OTOA: variants seen among roughly 807,000 people sequenced by gnomAD.
OTOA encodes the protein otoancorin.
OTOA carries 70 observed loss-of-function variants against 110.8 expected under a neutral mutation model. That is an observed-to-expected ratio of 0.63 (90% CI 0.52 to 0.77). The LOEUF (loss-of-function observed/expected upper bound fraction) is 0.77, where lower values mean the gene tolerates loss of function less well. OTOA is among the 30% of genes least tolerant of loss of function. The pLI, the probability that OTOA is intolerant of heterozygous loss-of-function variation, is 0.00. For synonymous variants in OTOA, 373 were observed against 431.5 expected (o/e 0.86, Z 1.68); for missense variants, 917 against 1,075.8 (o/e 0.85, Z 2.06).
chr16:21,706,793 G>C (rs922045005), intron 12 of OTOA, among the ~76,000 whole-genome samples: 3 of 150,338 alleles, frequency 2.0e-5, no homozygotes, highest in Non-Finnish European at 4.4e-5. Flanking sequence ...TGACATTTGA[G>C]AGTGTGGTCA....
chr16:21,753,358 C>T (rs1337739643), intron 27 of OTOA, among the ~76,000 whole-genome samples: 1 of 88,620 alleles, frequency 1.1e-5, no homozygotes, highest in Non-Finnish European at 2.4e-5. Context: ...GCAGGTGGTA[C>T]TGATTTTCTA....
intron 1 of OTOA, among the ~76,000 whole-genome samples, chr16:21,668,036 A>G (rs1057122910): frequency 6.6e-6 from 1 of 152,278 alleles, no homozygotes; most frequent in African/African-American, 2.4e-5. Context: ...TATCAAACTT[A>G]AAACTATTAA....
intron 8 of OTOA, among the ~76,000 whole-genome samples, chr16:21,690,388 C>T (rs1002702179): frequency 1.3e-5 from 2 of 151,764 alleles, no homozygotes; most frequent in Non-Finnish European, 2.9e-5. Flanking sequence ...TGTTCCCCTC[C>T]CTGTGTCCAT....
intron 15 of OTOA, among the ~76,000 whole-genome samples, chr16:21,717,569 G>T (rs1898596530): frequency 2.0e-5 from 3 of 152,178 alleles, no homozygotes. Flanking sequence ...ATAATAAAAT[G>T]AGGGTCACTG....
intron 9 of OTOA, among the ~76,000 whole-genome samples, chr16:21,696,044 G>A (rs1387580054): frequency 6.6e-6 from 1 of 151,028 alleles, no homozygotes; most frequent in Non-Finnish European, 1.5e-5. Context: ...ACAGGCGTGC[G>A]CTACCACGCC....
intron 27 of OTOA, among the ~76,000 whole-genome samples, chr16:21,753,328 G>A (rs1217992539): frequency 2.0e-5 from 2 of 101,976 alleles, no homozygotes; most frequent in African/African-American, 3.4e-5. Context: ...TTATTTTTAC[G>A]GTCATCTTCT....
chr16:21,686,862 C>A (rs1211990532), intron 7 of OTOA, among the ~76,000 whole-genome samples: 1 of 152,028 alleles, frequency 6.6e-6, no homozygotes, highest in Non-Finnish European at 1.5e-5. Context: ...CACTGCACTG[C>A]GGACTGGGTG....
At chr16:21,706,763 A>G (rs533219435) in intron 12 of OTOA, among the ~76,000 whole-genome samples, 11 of 152,002 alleles carry the variant, frequency 7.2e-5, no homozygotes, top group Admixed American at 4.6e-4. Flanking sequence ...ACACATCACC[A>G]TAAAGTCCCC....
intron 13 of OTOA, among the ~76,000 whole-genome samples, chr16:21,712,682 T>A (rs1277516707): frequency 2.1e-4 from 31 of 145,270 alleles, no homozygotes; most frequent in South Asian, 4.4e-4. Flanking sequence ...CTACTAAAAA[T>A]AAAAAAAAAA....
chr16:21,671,053 A>C (rs1219235986), intron 1 of OTOA, among the ~76,000 whole-genome samples: 1 of 152,062 alleles, frequency 6.6e-6, no homozygotes, highest in Admixed American at 6.6e-5. Flanking sequence ...TAATGGGGAG[A>C]GGCGGAGGGT....
At chr16:21,678,796 A>G in intron 2 of OTOA, 119 bp from the exon 3 acceptor site, 1 of 1,340,528 alleles carries the variant, frequency 7.5e-7, no homozygotes, top group Non-Finnish European at 1.1e-6. Context: ...GTTATAATTA[A>G]AATTCACTAA....
Position 21,722,946 on chromosome 16 carries a change from G to A in OTOA, c.1848G>A (p.Leu616=), listed in dbSNP as rs1898803855. 3 of 1,614,164 alleles carry A rather than the reference G, an allele frequency of 1.9e-6. No individual in the cohort carries two copies. The highest frequency in any genetic ancestry group is 2.5e-6 in the Non-Finnish European group (3 of 1,180,020). Residue 616 remains leucine (L), a synonymous_variant, in exon 18 of 29, where the codon TTG becomes TTA. Transcript: ENST00000646100. The stretch of plus-strand genomic sequence containing the variant: ...GGAAATACTGGGAAGTTTCCAGATT[G>A]TCTATGCCACCTTTCCTCTTGGCTG... ...LAWKYWEVSR[L]SMPPFLLAAL...
At chr16:21,727,196 T>C (rs1898950305) in intron 19 of OTOA, 2 of 162,948 alleles carry the variant, frequency 1.2e-5, no homozygotes, top group South Asian at 3.3e-4. Flanking sequence ...TTTGTATTTT[T>C]AGTAGAGACA....
intron 9 of OTOA, among the ~76,000 whole-genome samples, chr16:21,695,892 T>TATATATATATATATATATATATA (rs377002847): frequency 4.7e-5 from 1 of 21,084 alleles, no homozygotes; most frequent in Non-Finnish European, 8.7e-5. Flanking sequence ...TATATATATA[T>TATATATATATATATATATATATA]TTTTTTTTTT....
intron 15 of OTOA, 62 bp from the exon 16 acceptor site, chr16:21,719,071 C>A (rs998112012): frequency 7.3e-6 from 11 of 1,507,852 alleles, no homozygotes; most frequent in Non-Finnish European, 1.0e-5. Context: ...CTGATAGGGC[C>A]TCACAGTGTT....
At chr16:21,735,321 G>A (rs62045971) in intron 21 of OTOA, among the ~76,000 whole-genome samples, 31,436 of 151,436 alleles carry the variant, frequency 0.21, 3,795 homozygotes, top group Non-Finnish European at 0.27. Context: ...GAGCAAGAGC[G>A]TGATGGGGGA....
chr16:21,720,114 C>G (rs1898683617), intron 17 of OTOA, among the ~76,000 whole-genome samples: 1 of 152,074 alleles, frequency 6.6e-6, no homozygotes, highest in South Asian at 2.1e-4. Flanking sequence ...CACCACCATG[C>G]CTGGCTAATT....
intron 28 of OTOA, among the ~76,000 whole-genome samples, chr16:21,758,686 A>G (rs552800884): frequency 5.3e-5 from 8 of 149,936 alleles, no homozygotes; most frequent in Non-Finnish European, 1.0e-4. Flanking sequence ...CTTTTGATGT[A>G]TTATATTATT....
chr16:21,692,334 A>G (rs1897847481), intron 9 of OTOA, among the ~76,000 whole-genome samples: 3 of 152,100 alleles, frequency 2.0e-5, no homozygotes. Context: ...CTCGAAAAAA[A>G]AAAAAAGAGA....
Sources: gnomAD v4.1 joint callset for allele counts (sites outside exome capture counted in the v4.1 genomes callset) on GRCh38, gnomAD v4.1.1 for gene constraint, MANE v1.5 for transcripts, NCBI Gene and HGNC (gene_info 2026-07-23, HGNC 2026-07-21) for gene names.